CEP112: variants seen among roughly 807,000 people sequenced by gnomAD.
CEP112 encodes the protein centrosomal protein of 112 kDa.
A neutral mutation model predicts 153.0 loss-of-function variants in CEP112; 127 were observed. That is an observed-to-expected ratio of 0.83 (90% CI 0.72 to 0.96). The LOEUF is 0.96. Ranked by LOEUF, CEP112 falls within the 40% of genes least tolerant of loss-of-function variation. CEP112 has a pLI of 0.00. For synonymous variants in CEP112, 358 were observed against 374.4 expected, an observed-to-expected ratio of 0.96 and a Z score of 0.51; for missense variants, 1,089 against 1,101.2, an observed-to-expected ratio of 0.99 and a Z score of 0.16.
intron 18 of CEP112, among the ~76,000 whole-genome samples, chr17:65,953,756 A>G (rs1390378000): frequency 6.6e-6 from 1 of 151,730 alleles, no homozygotes; most frequent in African/African-American, 2.4e-5. Context: ...ATATAACTCC[A>G]CTCGACTGGG....
intron 24 of CEP112, among the ~76,000 whole-genome samples, chr17:65,670,585 G>A (rs1370652044): frequency 1.3e-5 from 2 of 152,110 alleles, no homozygotes; most frequent in Non-Finnish European, 2.9e-5. Flanking sequence ...ACAGCTCACA[G>A]AGAAATAGAG....
intron 18 of CEP112, among the ~76,000 whole-genome samples, chr17:65,937,494 T>G (rs1481718884): frequency 1.0e-5 from 1 of 96,660 alleles, no homozygotes; most frequent in African/African-American, 3.4e-5. Flanking sequence ...GGAGACCCTC[T>G]GCCTGGCAAC....
At chr17:65,892,634 C>T (rs1420802) in intron 20 of CEP112, among the ~76,000 whole-genome samples, 25,845 of 151,940 alleles carry the variant, frequency 0.17, 2,686 homozygotes, top group South Asian at 0.31. Context: ...CGGGCTTTAA[C>T]AGGGGAGCCT....
intron 6 of CEP112, among the ~76,000 whole-genome samples, chr17:66,112,790 A>T (rs1401571422): frequency 6.6e-6 from 1 of 152,170 alleles, no homozygotes; most frequent in Non-Finnish European, 1.5e-5. Context: ...CTAAAAATAT[A>T]AAAAAATCAG....
At chr17:65,726,527 C>T (rs755939055) in intron 23 of CEP112, among the ~76,000 whole-genome samples, 1 of 151,922 alleles carries the variant, frequency 6.6e-6, no homozygotes, top group Non-Finnish European at 1.5e-5. Context: ...AGGCAGGTTG[C>T]GTGGCTGGCA....
At chr17:65,937,917 T>C (rs1337315654) in intron 18 of CEP112, among the ~76,000 whole-genome samples, 1 of 122,508 alleles carries the variant, frequency 8.2e-6, no homozygotes, top group African/African-American at 2.8e-5. Context: ...CTGGGAGGTG[T>C]GCCCAGCGGC....
At chr17:65,681,430 G>T (rs2047517597) in intron 24 of CEP112, among the ~76,000 whole-genome samples, 1 of 151,278 alleles carries the variant, frequency 6.6e-6, no homozygotes, top group South Asian at 2.1e-4. Flanking sequence ...TGCTATATCT[G>T]CATCAAGACG....
intron 17 of CEP112, among the ~76,000 whole-genome samples, chr17:65,980,672 T>C (rs9899792): frequency 0.52 from 79,107 of 151,990 alleles, 21,586 homozygotes; most frequent in African/African-American, 0.6. Context: ...ATATACTCTG[T>C]TACCAATTCT....
chr17:65,996,516 T>C (rs1338666958), intron 17 of CEP112, among the ~76,000 whole-genome samples: 1 of 151,944 alleles, frequency 6.6e-6, no homozygotes, highest in Non-Finnish European at 1.5e-5. Flanking sequence ...GACTGGAGAG[T>C]TCCAGAGAAG....
intron 21 of CEP112, among the ~76,000 whole-genome samples, chr17:65,757,729 C>G (rs974673656): frequency 1.3e-5 from 2 of 152,144 alleles, no homozygotes; most frequent in Non-Finnish European, 2.9e-5. Context: ...TCCTGAACCC[C>G]TCTTATATAA....
At chr17:66,066,173 G>A (rs546620811) in intron 10 of CEP112, among the ~76,000 whole-genome samples, 6 of 152,130 alleles carry the variant, frequency 3.9e-5, no homozygotes, top group African/African-American at 1.4e-4. Context: ...AGTCAACTAC[G>A]GTCAGAGTTA....
intron 21 of CEP112, among the ~76,000 whole-genome samples, chr17:65,830,532 GC>G (rs2146109788): frequency 6.6e-6 from 1 of 152,292 alleles, no homozygotes; most frequent in South Asian, 2.1e-4. Context: ...GGGACAAACA[GC>G]CGGCACTGAT....
At chr17:66,082,258 C>A (rs1331664478) in intron 8 of CEP112, among the ~76,000 whole-genome samples, 1 of 152,008 alleles carries the variant, frequency 6.6e-6, no homozygotes, top group Non-Finnish European at 1.5e-5. Flanking sequence ...AAAGAAAGAC[C>A]CGTTGCTTGA....
intron 21 of CEP112, among the ~76,000 whole-genome samples, chr17:65,831,094 T>C (rs2057057738): frequency 6.6e-6 from 1 of 152,132 alleles, no homozygotes; most frequent in Non-Finnish European, 1.5e-5. Flanking sequence ...AATACGTGCA[T>C]AAAATAGAGA....
chr17:65,665,985 C>T (rs992444964), intron 24 of CEP112, among the ~76,000 whole-genome samples: 5 of 152,152 alleles, frequency 3.3e-5, no homozygotes, highest in Non-Finnish European at 5.9e-5. Context: ...TCCACATCTC[C>T]AAATACCTTG....
At chr17:65,937,742 T>TG (rs2061386959) in intron 18 of CEP112, among the ~76,000 whole-genome samples, 1 of 3,396 alleles carries the variant, frequency 2.9e-4, no homozygotes, top group South Asian at 0.033. Context: ...GGGAGGGGGG[T>TG]GGGGGCGTCA....
chr17:65,996,263 T>C (rs2063787992), intron 17 of CEP112, among the ~76,000 whole-genome samples: 1 of 151,890 alleles, frequency 6.6e-6, no homozygotes, highest in East Asian at 1.9e-4. Flanking sequence ...ATTCAGTATT[T>C]CACTAAAGCC....
intron 21 of CEP112, among the ~76,000 whole-genome samples, chr17:65,775,559 C>T (rs1025701582): frequency 2.0e-4 from 31 of 151,878 alleles, no homozygotes; most frequent in Non-Finnish European, 4.1e-4. Flanking sequence ...TGGAGTGCAG[C>T]GGGTGCGATC....
rs572887534 is a variant in CEP112 at position 65,789,293 on chromosome 17, T to C, written c.2395-38569A>G. Among the ~76,000 whole-genome samples, 12 of 152,312 alleles carry C rather than the reference T, an allele frequency of 7.9e-5. No homozygotes were observed. The South Asian group carries it at 1.2e-3, about 16-fold the overall frequency. On this transcript the variant is annotated intron_variant, in intron 21 of 26. Transcript: ENST00000535342. ...TAGATTTTCACCTTTCTCTCCTGAA[T>C]TTTTCTAGTAGCCTTCTAACTTATT... is the stretch of plus-strand genomic sequence containing the variant.
Sources: gnomAD v4.1 joint callset for allele counts (sites outside exome capture counted in the v4.1 genomes callset) on GRCh38, gnomAD v4.1.1 for gene constraint, MANE v1.5 for transcripts, NCBI Gene and HGNC (gene_info 2026-07-23, HGNC 2026-07-21) for gene names.